The following STK10 variants were observed in gnomAD, a reference collection of about 807,000 sequenced individuals.
STK10 encodes the protein serine/threonine kinase 10.
Under a neutral mutation model 113.8 loss-of-function variants are expected in STK10, and 78 were observed. The observed-to-expected ratio is 0.69, with a 90% CI of 0.57 to 0.83. The LOEUF is 0.83. STK10 is among the 40% of genes least tolerant of loss of function. The pLI is 0.00. For missense variants in STK10, 1,109 were observed against 1,280.1 expected, an observed-to-expected ratio of 0.87 and a Z score of 2.04; for synonymous variants, 465 against 494.7, an observed-to-expected ratio of 0.94 and a Z score of 0.80.
At chr5:172,166,580 C>T (rs1024229415) in intron 1 of STK10, among the ~76,000 whole-genome samples, 6 of 152,164 alleles carry the variant, frequency 3.9e-5, no homozygotes, top group Admixed American at 2.6e-4. Context: ...ATGGAAAACA[C>T]GTAGGACAGA....
chr5:172,104,082 C>G (rs1561808846), intron 7 of STK10, among the ~76,000 whole-genome samples: 1 of 152,252 alleles, frequency 6.6e-6, no homozygotes, highest in Non-Finnish European at 1.5e-5. Context: ...GCATGGCACA[C>G]AGTAGGAAGC....
At chr5:172,111,783 C>T (rs754244851) in intron 4 of STK10, among the ~76,000 whole-genome samples, 1 of 152,192 alleles carries the variant, frequency 6.6e-6, no homozygotes, top group Non-Finnish European at 1.5e-5. Flanking sequence ...ATCCCTGGCA[C>T]GTTATCTGGA....
intron 2 of STK10, among the ~76,000 whole-genome samples, chr5:172,129,045 C>T (rs1045488918): frequency 6.6e-6 from 1 of 152,190 alleles, no homozygotes; most frequent in African/African-American, 2.4e-5. Flanking sequence ...GTCCACCGCT[C>T]ACTAGTGTGG....
rs1315626191 is a variant in STK10, at chr5:172,043,237, G to GGC, written c.*1643_*1644dup. On this transcript the variant is annotated 3_prime_UTR_variant, in exon 19 of 19. Coordinates refer to ENST00000176763, the MANE Select transcript of STK10 (RefSeq NM_005990.4). ...AGCCTCCCGAGTAGCTGGGATTATA[G>GGC]GCATGCACCACCACGCCTGGCTAAT... The GGC allele has an allele frequency of 6.6e-6, 1 of 152,218 alleles. No individual in the cohort carries two copies. The highest frequency in any genetic ancestry group is 1.5e-5 in the Non-Finnish European group (1 of 68,202). The allele number at this position is 152,218 out of a possible 1,614,324, so 9.4% of individuals were successfully genotyped here. A position where few individuals can be genotyped will look rare whatever the true frequency, so the allele number is the denominator to read the frequency against.
chr5:172,151,623 C>G (rs972944556), intron 2 of STK10, among the ~76,000 whole-genome samples: 1 of 152,186 alleles, frequency 6.6e-6, no homozygotes, highest in African/African-American at 2.4e-5. Context: ...AGATTACAGG[C>G]GTGAGCCACT....
At chr5:172,092,790 TAAG>T (rs1466219116) in intron 9 of STK10, 1 of 152,268 alleles carries the variant, frequency 6.6e-6, no homozygotes, top group African/African-American at 2.4e-5. Flanking sequence ...TCCAGCTCCC[TAAG>T]AAGGAGGCCA....
chr5:172,170,228 T>C (rs1289377941), intron 1 of STK10, among the ~76,000 whole-genome samples: 1 of 151,078 alleles, frequency 6.6e-6, no homozygotes, highest in Non-Finnish European at 1.5e-5. Context: ...GTCCTCCACA[T>C]AAGAGAGGAA....
rs1366915052 is a variant in STK10 at position 172,117,471 on chromosome 5, A to G, written c.520+10T>C. The G allele has an allele frequency of 1.2e-6, 2 of 1,609,170 alleles. No individual in the cohort carries two copies. The highest frequency in any genetic ancestry group is 2.2e-5 in the East Asian group (1 of 44,816). ...CTGTGGCTCCACCTTTCCCACCCTGAGCCCCTTACCCAGCCTGATGTCTCC... is the reference window on the plus strand; with the variant it reads ...CTGTGGCTCCACCTTTCCCACCCTGGGCCCCTTACCCAGCCTGATGTCTCC... On this transcript the variant is annotated intron_variant, in intron 4 of 18. Transcript: ENST00000176763.
At chr5:172,183,420 A>G (rs561383486) in intron 1 of STK10, among the ~76,000 whole-genome samples, 4 of 151,694 alleles carry the variant, frequency 2.6e-5, no homozygotes, top group Non-Finnish European at 4.4e-5. Context: ...ATTTTCAGTG[A>G]TAAGAATTTT....
At chr5:172,083,987 G>A (rs1768493859) in intron 10 of STK10, among the ~76,000 whole-genome samples, 1 of 150,518 alleles carries the variant, frequency 6.6e-6, no homozygotes, top group South Asian at 2.1e-4. Flanking sequence ...TAAAAAATTG[G>A]AAGCAAATGT....
rs973911741 is a variant in STK10, at chr5:172,057,443, T to C, written c.2243A>G (p.Glu748Gly). ...DREAALWEME[E>G]HQLQERHQLV... ...CTGGTGCCTCTCCTGCAGCTGGTGC[T>C]CTTCCATCTCCCACAGGGCTGCTTC... The change falls in exon 15 of 19, where the codon GAG becomes GGG. Residue 748 changes from glutamate to glycine, a missense_variant. Physicochemically the swap from Glu to Gly is moderately conservative, Grantham distance 98 (BLOSUM62 -2). This residue lies in a region of STK10 where 885 missense variants were observed against 991.1 expected (regional missense o/e 0.89). Coordinates refer to ENST00000176763, the MANE Select transcript of STK10 (RefSeq NM_005990.4). 6.4e-7 allele frequency: 1 copy of C among 1,550,714 alleles called. No homozygotes were observed. The highest frequency in any genetic ancestry group is 8.7e-7 in the Non-Finnish European group (1 of 1,147,358).
intron 7 of STK10, among the ~76,000 whole-genome samples, chr5:172,103,722 T>A (rs1388189034): frequency 2.0e-5 from 3 of 151,586 alleles, no homozygotes; most frequent in African/African-American, 7.3e-5. Flanking sequence ...CGGCAGTAGA[T>A]AGACCTCATT....
At chr5:172,121,202 T>C (rs1769503130) in intron 3 of STK10, among the ~76,000 whole-genome samples, 1 of 151,950 alleles carries the variant, frequency 6.6e-6, no homozygotes, top group Non-Finnish European at 1.5e-5. Context: ...CTAATTTTTT[T>C]GTACTATTAG....
At chr5:172,139,900 C>CAAAAAAAAAAAAAAAAAAAACAAAAAAA (rs34385866) in intron 2 of STK10, among the ~76,000 whole-genome samples, 1 of 92,376 alleles carries the variant, frequency 1.1e-5, no homozygotes, top group Admixed American at 1.3e-4. Context: ...AAAGCACAGC[C>CAAAAAAAAAAAAAAAAAAAACAAAAAAA]AAAAAAAAAA....
At chr5:172,128,643 A>G (rs1311914980) in intron 2 of STK10, among the ~76,000 whole-genome samples, 1 of 152,036 alleles carries the variant, frequency 6.6e-6, no homozygotes, top group Non-Finnish European at 1.5e-5. Context: ...TTTTTTCTTA[A>G]AGTAGGGCTA....
chr5:172,179,400 C>T (rs1442930273), intron 1 of STK10, among the ~76,000 whole-genome samples: 1 of 152,238 alleles, frequency 6.6e-6, no homozygotes, highest in Non-Finnish European at 1.5e-5. Context: ...CCACCCAGGG[C>T]TGTTCTGGGG....
chr5:172,118,010 C>CAAAAAAAAAAAAAAAAAAAAAAAA (rs57672334), intron 3 of STK10, among the ~76,000 whole-genome samples: 1 of 69,826 alleles, frequency 1.4e-5, no homozygotes, highest in Admixed American at 1.7e-4. Flanking sequence ...TACTCCATCT[C>CAAAAAAAAAAAAAAAAAAAAAAAA]AAAAAAAAAA....
intron 5 of STK10, among the ~76,000 whole-genome samples, 162 bp downstream of exon 5, chr5:172,107,618 C>T (rs984596316): frequency 6.6e-6 from 1 of 152,162 alleles, no homozygotes; most frequent in Non-Finnish European, 1.5e-5. Context: ...AACTGACGCA[C>T]GGGAAAGCTA....
chr5:172,093,456 T>C lies in STK10; in HGVS notation c.1510A>G (p.Thr504Ala), dbSNP rs1367606566. Residue 504 changes from threonine to alanine, a missense_variant, in exon 9 of 19, where the codon ACT (threonine) becomes GCT (alanine). Thr to Ala is a moderately conservative substitution (Grantham distance 58). Around this residue, in one of 5 missense-constraint regions of STK10, gnomAD observed 885 missense variants for 991.1 expected, o/e 0.89. Coordinates refer to ENST00000176763, the MANE Select transcript of STK10 (RefSeq NM_005990.4). This position sits in a 1 kb window ranked among gnomAD's most constrained non-coding sequence, Gnocchi z 4.1. ...ATCTCTTTGTTCAGCGACAGGTCAG[T>C]GGAGAGATTGGTACCATAGTCCATG... ...ESMDYGTNLS[T>A]DLSLNKEMGS... 2 of 1,613,404 alleles carry C rather than the reference T, an allele frequency of 1.2e-6. No individual in the cohort carries two copies. Among genetic ancestry groups the C allele is most frequent in the South Asian group, 1.1e-5 (1 of 91,050 alleles).
Sources: allele counts gnomAD v4.1 joint callset (sites outside exome capture counted in the v4.1 genomes callset), GRCh38; gene constraint gnomAD v4.1.1; regional missense constraint gnomAD v4.1.1; non-coding constraint Gnocchi (gnomAD v3.1); transcripts MANE v1.5; gene names NCBI Gene and HGNC (gene_info 2026-07-23, HGNC 2026-07-21).